Variants in ZNF385D observed in about 807,000 individuals in gnomAD.
ZNF385D encodes zinc finger protein 385D.
In ZNF385D, 15 loss-of-function variants were observed where a neutral mutation model predicts 35.8. The observed-to-expected ratio is 0.42, with a 90% CI of 0.28 to 0.64. ZNF385D has a LOEUF of 0.64. Among genes scored for constraint, ZNF385D ranks in the 30% least tolerant of loss-of-function variants. The pLI, the probability that ZNF385D is intolerant of heterozygous loss-of-function variation, is 0.23. For synonymous variants in ZNF385D, 212 were observed against 186.8 expected (o/e 1.13, Z -1.10); for missense variants, 474 against 494.6 (o/e 0.96, Z 0.39).
chr3:21,897,797 G>A (rs1489360614), intron 3 of ZNF385D, among the ~76,000 whole-genome samples: 1 of 152,098 alleles, frequency 6.6e-6, no homozygotes. Context: ...TCATATAGAT[G>A]CATTCATGTG....
intron 3 of ZNF385D, among the ~76,000 whole-genome samples, chr3:21,953,582 G>A (rs1702158766): frequency 6.6e-6 from 1 of 151,936 alleles, no homozygotes; most frequent in African/African-American, 2.4e-5. Flanking sequence ...TTTAAATAGG[G>A]TAGCTTCCAG....
intron 3 of ZNF385D, among the ~76,000 whole-genome samples, chr3:21,851,829 G>C: frequency 6.6e-6 from 1 of 151,866 alleles, no homozygotes; most frequent in Non-Finnish European, 1.5e-5. Flanking sequence ...TTGGGGTCCA[G>C]ATATAGACAA....
intron 4 of ZNF385D, among the ~76,000 whole-genome samples, chr3:21,491,807 T>C (rs1230178630): frequency 1.3e-5 from 2 of 152,146 alleles, no homozygotes; most frequent in African/African-American, 2.4e-5. Context: ...CACTACGTAA[T>C]AGCCAACTGG....
intron 3 of ZNF385D, among the ~76,000 whole-genome samples, chr3:21,875,601 A>G (rs1444796100): frequency 6.6e-6 from 1 of 152,032 alleles, no homozygotes; most frequent in Non-Finnish European, 1.5e-5. Flanking sequence ...CCAGTGCAAA[A>G]TGGTCTTAGT....
intron 2 of ZNF385D, among the ~76,000 whole-genome samples, chr3:22,272,818 T>C (rs1701243758): frequency 6.6e-6 from 1 of 152,034 alleles, no homozygotes; most frequent in African/African-American, 2.4e-5. Flanking sequence ...CTGTATCTTT[T>C]AAAATACATA....
At chr3:21,846,755 G>C (rs913800049) in intron 3 of ZNF385D, among the ~76,000 whole-genome samples, 2 of 151,984 alleles carry the variant, frequency 1.3e-5, no homozygotes, top group African/African-American at 4.8e-5. Context: ...TCAAAGAAGT[G>C]GCTTTCTAGC....
At chr3:22,029,127 C>G (rs1049216982) in intron 3 of ZNF385D, among the ~76,000 whole-genome samples, 1 of 152,132 alleles carries the variant, frequency 6.6e-6, no homozygotes. Flanking sequence ...GGAGACACAA[C>G]AATTCCATTA....
At chr3:22,265,250 T>C (rs1231524245) in intron 2 of ZNF385D, among the ~76,000 whole-genome samples, 1 of 151,926 alleles carries the variant, frequency 6.6e-6, no homozygotes, top group Non-Finnish European at 1.5e-5. Context: ...ATAATATAAT[T>C]TGGAAAGACC....
chr3:21,447,733 C>G (rs1702228292), intron 4 of ZNF385D, among the ~76,000 whole-genome samples: 1 of 152,146 alleles, frequency 6.6e-6, no homozygotes, highest in Non-Finnish European at 1.5e-5. Context: ...AAGCTTACCT[C>G]TGACTGGTAA....
At chr3:21,931,147 T>C (rs1000683068) in intron 3 of ZNF385D, among the ~76,000 whole-genome samples, 3 of 152,136 alleles carry the variant, frequency 2.0e-5, no homozygotes, top group African/African-American at 7.2e-5. Context: ...AGAAAGGATC[T>C]GATTGAAAAA....
At chr3:21,887,117 G>T (rs189423213) in intron 3 of ZNF385D, among the ~76,000 whole-genome samples, 2 of 152,224 alleles carry the variant, frequency 1.3e-5, no homozygotes, top group African/African-American at 4.8e-5. Flanking sequence ...TCTTGAAGGA[G>T]AATCACCTAC....
intron 3 of ZNF385D, among the ~76,000 whole-genome samples, chr3:21,968,926 C>G (rs1045851977): frequency 2.0e-5 from 3 of 152,188 alleles, no homozygotes; most frequent in African/African-American, 7.2e-5. Flanking sequence ...ACTGGGGTCT[C>G]TGATTCCTGG....
intron 3 of ZNF385D, among the ~76,000 whole-genome samples, chr3:21,804,736 TA>T (rs2072558915): frequency 6.6e-6 from 1 of 151,568 alleles, no homozygotes. Context: ...ATTATTTACT[TA>T]ATTTTACAGA....
intron 3 of ZNF385D, among the ~76,000 whole-genome samples, chr3:21,840,896 A>G (rs942305915): frequency 6.6e-6 from 1 of 152,062 alleles, no homozygotes; most frequent in African/African-American, 2.4e-5. Flanking sequence ...AAAGAAACCA[A>G]GAGTTGAATA....
chr3:22,221,076 A>G (rs1317854764), intron 2 of ZNF385D, among the ~76,000 whole-genome samples: 1 of 152,062 alleles, frequency 6.6e-6, no homozygotes, highest in Non-Finnish European at 1.5e-5. Flanking sequence ...GATCTAATGC[A>G]GTTATTTACC....
chr3:21,415,428 CAATGCCCTAAAATGATT>C lies in ZNF385D; in HGVS notation c.*5769_*5785del, dbSNP rs1700549705. The C allele has an allele frequency of 6.6e-6, 1 of 152,062 alleles. No individual in the cohort carries two copies. Among genetic ancestry groups the C allele is most frequent in the Non-Finnish European group, 1.5e-5 (1 of 67,986 alleles). 9.4% of individuals were successfully genotyped at this position (152,062 alleles called of 1,614,324 possible). On this transcript the variant is annotated 3_prime_UTR_variant, in exon 8 of 8. Coordinates refer to ENST00000281523, the MANE Select transcript of ZNF385D (RefSeq NM_024697.3). ...CATTATATCTACTTCCCAGCCCCTC[CAATGCCCTAAAATGATT>C]AATGCCCCAAAATGATTAAGACTCC... is the stretch of plus-strand genomic sequence containing the variant.
chr3:21,459,987 C>A (rs996246340), intron 4 of ZNF385D, among the ~76,000 whole-genome samples: 6 of 152,140 alleles, frequency 3.9e-5, no homozygotes, highest in African/African-American at 7.2e-5. Context: ...CAACCATCAG[C>A]CCATGTCACT....
At chr3:21,658,301 T>A (rs1259536391) in intron 2 of ZNF385D, among the ~76,000 whole-genome samples, 1 of 152,016 alleles carries the variant, frequency 6.6e-6, no homozygotes, top group African/African-American at 2.4e-5. Context: ...TTAACCAGAG[T>A]AAACAAACAC....
intron 3 of ZNF385D, among the ~76,000 whole-genome samples, chr3:22,129,911 G>T (rs1009653036): frequency 6.6e-6 from 1 of 152,084 alleles, no homozygotes; most frequent in East Asian, 1.9e-4. Flanking sequence ...CCACAGCTGG[G>T]AGTGTCCTGG....
Sources: allele counts gnomAD v4.1 joint callset (sites outside exome capture counted in the v4.1 genomes callset), GRCh38; gene constraint gnomAD v4.1.1; transcripts MANE v1.5; gene names NCBI Gene and HGNC (gene_info 2026-07-23, HGNC 2026-07-21).